NMNAT2: variants seen among roughly 807,000 people sequenced by gnomAD.
NMNAT2 encodes nicotinamide nucleotide adenylyltransferase 2.
A neutral mutation model predicts 41.6 loss-of-function variants in NMNAT2; 11 were observed. The observed-to-expected ratio is 0.26, with a 90% CI of 0.17 to 0.44. The LOEUF (loss-of-function observed/expected upper bound fraction) is 0.44. NMNAT2 is among the 20% of genes least tolerant of loss of function. The pLI, the probability that NMNAT2 is intolerant of heterozygous loss-of-function variation, is 1.00. For synonymous variants in NMNAT2, 148 were observed against 151.2 expected (o/e 0.98, Z 0.16); for missense variants, 288 against 407.7 (o/e 0.71, Z 2.53).
At chr1:183,293,217 G>A (rs1032208707) in intron 2 of NMNAT2, among the ~76,000 whole-genome samples, 7 of 152,220 alleles carry the variant, frequency 4.6e-5, no homozygotes, top group Non-Finnish European at 8.8e-5. Flanking sequence ...CCACCAAGGT[G>A]CATCTGTGGG....
chr1:183,341,866 G>A (rs530286369), intron 1 of NMNAT2, among the ~76,000 whole-genome samples: 2 of 151,778 alleles, frequency 1.3e-5, no homozygotes, highest in East Asian at 3.9e-4. Context: ...GTATATCAAA[G>A]TAGTTATACT....
chr1:183,262,875 GC>G (rs1660699365), intron 8 of NMNAT2, among the ~76,000 whole-genome samples: 1 of 152,222 alleles, frequency 6.6e-6, no homozygotes, highest in African/African-American at 2.4e-5. Flanking sequence ...TGGCTTCTAA[GC>G]AGCACAGTTC....
At chr1:183,382,268 G>A (rs368642065) in intron 1 of NMNAT2, among the ~76,000 whole-genome samples, 298 of 152,220 alleles carry the variant, frequency 2.0e-3, no homozygotes, top group African/African-American at 6.8e-3. Flanking sequence ...AACAGCAAGG[G>A]GGAGATCTGC....
chr1:183,366,153 A>G (rs553046560), intron 1 of NMNAT2, among the ~76,000 whole-genome samples: 2 of 152,344 alleles, frequency 1.3e-5, no homozygotes, highest in Non-Finnish European at 2.9e-5. Context: ...GCATGGCAGA[A>G]ATTATCATTG....
chr1:183,267,820 G>A lies in NMNAT2; in HGVS notation c.652-6517C>T, dbSNP rs543103962. 1.2e-4 allele frequency among the ~76,000 whole-genome samples: 19 copies of A among 152,240 alleles called. 1 individual carries two copies. Among genetic ancestry groups the A allele is most frequent in the African/African-American group, 4.3e-4 (18 of 41,540 alleles). ...GTGGGGTGGGCGAGTGGCCAATGCG[G>A]TAGAACTGTCCTGATTGGTAAATCT... On this transcript the variant is annotated intron_variant, in intron 8 of 10. Transcript: ENST00000287713.
intron 1 of NMNAT2, among the ~76,000 whole-genome samples, chr1:183,371,180 C>T (rs1419103491): frequency 5.9e-5 from 9 of 152,124 alleles, no homozygotes; most frequent in Non-Finnish European, 1.3e-4. Flanking sequence ...CTCTTCATCC[C>T]AGAAGAAGTT....
chr1:183,251,940 TGTGTGTGC>T lies in NMNAT2; in HGVS notation c.*693_*700del. 1 of 155,992 alleles carries T rather than the reference TGTGTGTGC, an allele frequency of 6.4e-6. No individual in the cohort carries two copies. The highest frequency in any genetic ancestry group is 1.4e-5 in the Non-Finnish European group (1 of 70,354). 9.7% of individuals were successfully genotyped at this position (155,992 alleles called of 1,614,324 possible). Reference sequence around the variant, plus strand: ...GTGCACACGCATGTGTGCGTGTGTGTGTGTGTGCGTGTGTGTGGTGCTGAAGAAGTGGA... The same window carrying T: ...GTGCACACGCATGTGTGCGTGTGTGTGTGTGTGTGGTGCTGAAGAAGTGGA... On this transcript the variant is annotated 3_prime_UTR_variant, in exon 11 of 11. Coordinates refer to ENST00000287713, the MANE Select transcript of NMNAT2 (RefSeq NM_015039.4).
At chr1:183,284,909 G>T in intron 5 of NMNAT2, 119 bp from the exon 6 acceptor site, 1 of 768,044 alleles carries the variant, frequency 1.3e-6, no homozygotes, top group Non-Finnish European at 2.3e-6. Context: ...CGGGGCAGGA[G>T]TGGGGAGCAG....
chr1:183,319,533 C>G (rs1662317877), intron 1 of NMNAT2, among the ~76,000 whole-genome samples: 1 of 152,254 alleles, frequency 6.6e-6, no homozygotes, highest in South Asian at 2.1e-4. Flanking sequence ...CTTCCCTTCT[C>G]AGCAGCGCCT....
intron 8 of NMNAT2, among the ~76,000 whole-genome samples, chr1:183,272,226 C>T (rs941712112): frequency 2.0e-5 from 3 of 152,156 alleles, no homozygotes; most frequent in African/African-American, 7.2e-5. Context: ...TCCCACAGTC[C>T]CTGATCCATG....
At chr1:183,314,222 A>G (rs1437844961) in intron 1 of NMNAT2, among the ~76,000 whole-genome samples, 1 of 152,214 alleles carries the variant, frequency 6.6e-6, no homozygotes, top group Non-Finnish European at 1.5e-5. Context: ...TCTGAGCCCT[A>G]CAGCTCTCTC....
At chr1:183,380,393 A>G (rs958417084) in intron 1 of NMNAT2, among the ~76,000 whole-genome samples, 1 of 152,142 alleles carries the variant, frequency 6.6e-6, no homozygotes, top group African/African-American at 2.4e-5. Context: ...TTATTGAGGC[A>G]TGATTTGCAT....
intron 1 of NMNAT2, among the ~76,000 whole-genome samples, chr1:183,366,329 T>A (rs561029629): frequency 2.0e-5 from 3 of 152,346 alleles, no homozygotes; most frequent in African/African-American, 7.2e-5. Context: ...AGTATCTACT[T>A]CATAGGGTCA....
chr1:183,336,318 C>CAA (rs1662676955), intron 1 of NMNAT2, among the ~76,000 whole-genome samples: 1 of 152,148 alleles, frequency 6.6e-6, no homozygotes, highest in Admixed American at 6.5e-5. Flanking sequence ...AACCACATGA[C>CAA]AAAGTACTCA....
At chr1:183,338,165 A>AAAAAAAAT (rs1251038688) in intron 1 of NMNAT2, among the ~76,000 whole-genome samples, 8 of 151,718 alleles carry the variant, frequency 5.3e-5, no homozygotes, top group Non-Finnish European at 1.0e-4. Flanking sequence ...AAAAAAAAAA[A>AAAAAAAAT]AAAGCAAATG....
chr1:183,350,917 C>G (rs1246004574), intron 1 of NMNAT2, among the ~76,000 whole-genome samples: 1 of 152,116 alleles, frequency 6.6e-6, no homozygotes, highest in East Asian at 1.9e-4. Context: ...TCACTGAGTT[C>G]AACATGTATT....
intron 1 of NMNAT2, among the ~76,000 whole-genome samples, chr1:183,402,406 A>G (rs1648836733): frequency 6.6e-6 from 1 of 152,200 alleles, no homozygotes; most frequent in Non-Finnish European, 1.5e-5. Flanking sequence ...ATGCATTAAG[A>G]CTTACATAGA....
chr1:183,395,322 C>G (rs1022664622), intron 1 of NMNAT2, among the ~76,000 whole-genome samples: 19 of 151,694 alleles, frequency 1.3e-4, no homozygotes, highest in African/African-American at 4.6e-4. Flanking sequence ...ACTTGATGTG[C>G]AGCCACATCA....
Position 183,377,745 on chromosome 1 carries a change from G to T in NMNAT2, c.85+40438C>A, listed in dbSNP as rs187450155. On this transcript the variant is annotated intron_variant, in intron 1 of 10. Transcript: ENST00000287713. The stretch of plus-strand genomic sequence containing the variant: ...AAGTACAAGGCAACAAAAAGGCAAA[G>T]AAAAACGAAGTCTGAAGAGAATCAC... Among the ~76,000 whole-genome samples the T allele has an allele frequency of 1.7e-3, 254 of 152,276 alleles. 1 individual carries two copies. Among genetic ancestry groups the T allele is most frequent in the Non-Finnish European group, 2.9e-3 (195 of 68,004 alleles).
Sources: gnomAD v4.1 joint callset for allele counts (sites outside exome capture counted in the v4.1 genomes callset) on GRCh38, gnomAD v4.1.1 for gene constraint, MANE v1.5 for transcripts, NCBI Gene and HGNC (gene_info 2026-07-23, HGNC 2026-07-21) for gene names.